SLC30A6: variants seen among roughly 807,000 people sequenced by gnomAD.
SLC30A6 encodes zinc transporter 6.
A neutral mutation model predicts 63.0 loss-of-function variants in SLC30A6; 55 were observed. The observed-to-expected ratio is 0.87, with a 90% CI of 0.70 to 1.09. The LOEUF is 1.09. SLC30A6 is among the 50% of genes least tolerant of loss of function. The probability of loss-of-function intolerance (pLI) is 0.00; values close to 1 mark genes in which losing one functional copy is unlikely to be tolerated. For synonymous variants in SLC30A6, 224 were observed against 186.1 expected, an observed-to-expected ratio of 1.20 and a Z score of -1.66; for missense variants, 587 against 549.2, an observed-to-expected ratio of 1.07 and a Z score of -0.69.
chr2:32,202,329 T>G (rs1684366044), intron 10 of SLC30A6: 1 of 394,834 alleles, frequency 2.5e-6, no homozygotes, highest in Non-Finnish European at 4.8e-6. Context: ...CAAGAAACAG[T>G]TTTTTGTTTG....
intron 5 of SLC30A6, among the ~76,000 whole-genome samples, chr2:32,186,320 A>T (rs928864293): frequency 3.9e-5 from 6 of 152,226 alleles, no homozygotes; most frequent in African/African-American, 1.4e-4. Context: ...TTGCATTATC[A>T]CTATGATAAT....
intron 1 of SLC30A6, among the ~76,000 whole-genome samples, chr2:32,166,563 C>T (rs1326579685): frequency 1.3e-5 from 2 of 152,188 alleles, no homozygotes; most frequent in Non-Finnish European, 2.9e-5. Context: ...TCATTCTTTG[C>T]CTTTAGAGCT....
At chr2:32,176,379 C>T (rs1681739500) in intron 4 of SLC30A6, among the ~76,000 whole-genome samples, 1 of 151,888 alleles carries the variant, frequency 6.6e-6, no homozygotes, top group Admixed American at 6.6e-5. Flanking sequence ...CTTTATTTGG[C>T]CAGGCTTAGT....
At chr2:32,218,226 G>A (rs1338695047) in intron 13 of SLC30A6, among the ~76,000 whole-genome samples, 1 of 152,074 alleles carries the variant, frequency 6.6e-6, no homozygotes, top group Non-Finnish European at 1.5e-5. Context: ...TTCGAGACCA[G>A]CTTGGGCAAC....
At chr2:32,209,306 T>G (rs1362258409) in intron 12 of SLC30A6, among the ~76,000 whole-genome samples, 187 bp from the exon 13 acceptor site, 1 of 152,148 alleles carries the variant, frequency 6.6e-6, no homozygotes, top group Non-Finnish European at 1.5e-5. Context: ...GAAAGCAAGG[T>G]CTTGGGTCAG....
Position 32,208,079 on chromosome 2 carries a change from G to A in SLC30A6, c.816+1146G>A, listed in dbSNP as rs1447416158. Among the ~76,000 whole-genome samples, 6 of 151,322 alleles carry A rather than the reference G, an allele frequency of 4.0e-5. No individual in the cohort carries two copies. The South Asian group carries it at 6.3e-4, about 16-fold the overall frequency. On this transcript the variant is annotated intron_variant, in intron 12 of 13. Coordinates refer to ENST00000282587, the MANE Select transcript of SLC30A6 (RefSeq NM_017964.5). Reference sequence around the variant, plus strand: ...AATCTCTTGACCTCGTGATCCACCCGCCTCGGCCTCCCAAAGTGCTGGGAT... The same window carrying A: ...AATCTCTTGACCTCGTGATCCACCCACCTCGGCCTCCCAAAGTGCTGGGAT...
rs1684477417 is a variant in SLC30A6, at chr2:32,203,529, C to T, written c.666-1061C>T. 12 of 1,606,296 alleles carry T rather than the reference C, an allele frequency of 7.5e-6. No homozygotes were observed. In the South Asian group the frequency reaches 1.2e-4, roughly 16 times the overall value. The stretch of plus-strand genomic sequence containing the variant: ...ATTTCTGGTGCATCAGGCTTTGAAC[C>T]ACGATCTTTGATCACCTCTGATAGG... On this transcript the variant is annotated intron_variant, in intron 10 of 13. Coordinates refer to ENST00000282587, the MANE Select transcript of SLC30A6 (RefSeq NM_017964.5).
intron 8 of SLC30A6, among the ~76,000 whole-genome samples, chr2:32,194,227 G>T: frequency 6.6e-6 from 1 of 152,120 alleles, no homozygotes. Flanking sequence ...AAATCATGTG[G>T]TGATGAAAAA....
At chr2:32,188,333 C>G (rs1426338675) in intron 5 of SLC30A6, among the ~76,000 whole-genome samples, 1 of 152,180 alleles carries the variant, frequency 6.6e-6, no homozygotes, top group East Asian at 1.9e-4. Context: ...TCACATCAGA[C>G]TACTATAATT....
chr2:32,207,525 A>T (rs188465), intron 12 of SLC30A6, among the ~76,000 whole-genome samples: 151,400 of 151,686 alleles, frequency 1, 75,558 homozygotes, highest in Middle Eastern at 1. Context: ...TACAGATGCA[A>T]GCCACCATAC....
rs376560978 is a variant in SLC30A6 at position 32,221,199 on chromosome 2, G to A, written c.*486G>A. ...TTTTGAGATGGAGTCTCACTCTGTC[G>A]CCCAGGCTGGAATGCAGTGGCATGA... is the stretch of plus-strand genomic sequence containing the variant. On this transcript the variant is annotated 3_prime_UTR_variant, in exon 14 of 14. Coordinates refer to ENST00000282587, the MANE Select transcript of SLC30A6 (RefSeq NM_017964.5). 3.9e-4 allele frequency: 76 copies of A among 194,504 alleles called. 1 individual carries two copies. The East Asian group carries it at 8.0e-3, about 20-fold the overall frequency. 12.0% of individuals were successfully genotyped at this position (194,504 alleles called of 1,614,324 possible).
At chr2:32,170,612 T>C (rs551904379) in intron 1 of SLC30A6, among the ~76,000 whole-genome samples, 1 of 152,208 alleles carries the variant, frequency 6.6e-6, no homozygotes, top group South Asian at 2.1e-4. Flanking sequence ...ACTTACTTTC[T>C]TTTTGAGACA....
chr2:32,202,050 A>C (rs1348558424), intron 10 of SLC30A6: 1 of 953,048 alleles, frequency 1.0e-6, no homozygotes, highest in Non-Finnish European at 1.6e-6. Flanking sequence ...TATCATCCTT[A>C]GATAGTTCTA....
At chr2:32,194,085 C>T (rs1683571748) in intron 8 of SLC30A6, 102 bp downstream of exon 8, 1 of 920,952 alleles carries the variant, frequency 1.1e-6, no homozygotes, top group African/African-American at 1.7e-5. Context: ...GAAGTATATT[C>T]TGAAGACAAG....
chr2:32,213,408 T>C (rs934902559), intron 13 of SLC30A6, among the ~76,000 whole-genome samples: 6 of 151,908 alleles, frequency 3.9e-5, no homozygotes, highest in African/African-American at 1.5e-4. Context: ...TTGCCCACTG[T>C]TGTAATGTGC....
At chr2:32,201,791 A>G in intron 10 of SLC30A6, 4 of 1,346,884 alleles carry the variant, frequency 3.0e-6, no homozygotes, top group South Asian at 2.5e-5. Context: ...TACATTACAC[A>G]GTGCTGGAGT....
rs570897865 is a variant in SLC30A6, at chr2:32,193,617, T to C, written c.402-272T>C. Among the ~76,000 whole-genome samples, 87 of 152,292 alleles carry C rather than the reference T, an allele frequency of 5.7e-4. 1 individual carries two copies. The highest frequency in any genetic ancestry group is 2.0e-3 in the African/African-American group (85 of 41,576). On this transcript the variant is annotated intron_variant, in intron 7 of 13. Transcript: ENST00000282587. ...CCAGTATATCGTAAAACAAATACCATTGATATTTATACAGATTTATAACAG... is the reference window on the plus strand; with the variant it reads ...CCAGTATATCGTAAAACAAATACCACTGATATTTATACAGATTTATAACAG...
intron 13 of SLC30A6, among the ~76,000 whole-genome samples, chr2:32,219,434 C>A (rs1685976650): frequency 6.6e-6 from 1 of 151,516 alleles, no homozygotes; most frequent in Admixed American, 6.6e-5. Flanking sequence ...AATACTTGGA[C>A]TTCTTTTTTT....
At chr2:32,186,551 G>T (rs916262160) in intron 5 of SLC30A6, among the ~76,000 whole-genome samples, 19 of 152,112 alleles carry the variant, frequency 1.2e-4, no homozygotes, top group Non-Finnish European at 2.6e-4. Context: ...AATTAGCTGG[G>T]CATGGTGGCA....
Sources: gnomAD v4.1 joint callset for allele counts (sites outside exome capture counted in the v4.1 genomes callset) on GRCh38, gnomAD v4.1.1 for gene constraint, MANE v1.5 for transcripts, NCBI Gene and HGNC (gene_info 2026-07-23, HGNC 2026-07-21) for gene names.